Variants in CFAP70 observed in about 807,000 individuals in gnomAD.
The protein encoded by CFAP70 is cilia and flagella associated protein 70, also known as cilia- and flagella-associated protein 70.
CFAP70 carries 81 observed loss-of-function variants against 137.6 expected under a neutral mutation model. The ratio of observed to expected loss-of-function variants is 0.59; its 90% confidence interval spans 0.49 to 0.71. CFAP70 has a LOEUF of 0.71. Among genes scored for constraint, CFAP70 ranks in the 30% least tolerant of loss-of-function variants. CFAP70 has a pLI of 0.00. For synonymous variants in CFAP70, 382 were observed against 423.6 expected (o/e 0.90, Z 1.20); for missense variants, 976 against 1,226.7 (o/e 0.80, Z 3.05).
intron 9 of CFAP70, among the ~76,000 whole-genome samples, chr10:73,319,633 C>T (rs558725099): frequency 2.0e-5 from 3 of 152,268 alleles, no homozygotes; most frequent in Non-Finnish European, 2.9e-5. Context: ...GATAATTTAG[C>T]GCCTGGTCTT....
chr10:73,265,410 C>T (rs1042659480), intron 25 of CFAP70, among the ~76,000 whole-genome samples: 5 of 151,706 alleles, frequency 3.3e-5, no homozygotes, highest in African/African-American at 1.2e-4. Flanking sequence ...TATAATCTTG[C>T]ACTTCACTTT....
At chr10:73,361,280 C>T (rs1304225107), upstream of CFAP70, among the ~76,000 whole-genome samples, 1 of 151,148 alleles carries the variant, frequency 6.6e-6, no homozygotes, top group Admixed American at 6.6e-5. Flanking sequence ...AGGCATGAAC[C>T]ACCATGCCCG....
At chr10:73,316,472 A>C (rs1018782123) in intron 9 of CFAP70, among the ~76,000 whole-genome samples, 10 of 114,696 alleles carry the variant, frequency 8.7e-5, no homozygotes, top group African/African-American at 3.5e-4. Context: ...AGATATATAT[A>C]TATATATAGA....
rs1455113041 is a variant in CFAP70, at chr10:73,284,750, A to C, written c.2240-6413T>G. 5.9e-3 allele frequency among the ~76,000 whole-genome samples: 50 copies of C among 8,472 alleles called. 2 individuals are homozygous for C. Among genetic ancestry groups the C allele is most frequent in the African/African-American group, 0.033 (46 of 1,388 alleles). 5.6% of individuals were successfully genotyped at this position (8,472 alleles called of 152,430 possible). A position where few individuals can be genotyped will look rare whatever the true frequency, so the allele number is the denominator to read the frequency against. On this transcript the variant is annotated intron_variant, in intron 19 of 26. Transcript: ENST00000310715. ...TATATGACCTGCCACATATATATAT[A>C]TATATATATATATATATATATATAT... is the stretch of plus-strand genomic sequence containing the variant.
Position 73,345,864 on chromosome 10 carries a change from T to C in CFAP70, c.350-750A>G, listed in dbSNP as rs1005982493. Among the ~76,000 whole-genome samples, 3 of 152,094 alleles carry C rather than the reference T, an allele frequency of 2.0e-5. No homozygotes were observed. In the South Asian group the frequency reaches 6.2e-4, roughly 32 times the overall value. On this transcript the variant is annotated intron_variant, in intron 4 of 26. Coordinates refer to ENST00000310715, the Ensembl canonical transcript of CFAP70. ...AAGTGAGATTGGGTGCTTTTTTTGC[T>C]AGTCTATATTTTATGATTATTTTTG...
chr10:73,358,908 C>T (rs1048000612), upstream of CFAP70: 1 of 152,252 alleles, frequency 6.6e-6, no homozygotes, highest in African/African-American at 2.4e-5. Context: ...CTTCGAGAGC[C>T]TGCTGTTTCC....
At chr10:73,358,756 A>G (rs1056994876) in exon 1 of CFAP70, 1 of 152,400 alleles carries the variant, frequency 6.6e-6, no homozygotes, top group Non-Finnish European at 1.5e-5. Context: ...ATAGCAACCA[A>G]CTACCTCTCG....
At chr10:73,335,344 A>G in intron 7 of CFAP70, 86 bp downstream of exon 8, 3 of 815,274 alleles carry the variant, frequency 3.7e-6, no homozygotes, top group Non-Finnish European at 5.9e-6. Context: ...CCTTAACTCA[A>G]ATATAAATAA....
intron 9 of CFAP70, among the ~76,000 whole-genome samples, chr10:73,313,542 CAA>C (rs35177327): frequency 0.15 from 13,387 of 90,002 alleles, 890 homozygotes; most frequent in East Asian, 0.38. Flanking sequence ...GACTCTGTCT[CAA>C]AAAAAAAAAA....
intron 12 of CFAP70, among the ~76,000 whole-genome samples, chr10:73,309,042 G>A (rs2049670789): frequency 6.6e-6 from 1 of 151,964 alleles, no homozygotes; most frequent in African/African-American, 2.4e-5. Flanking sequence ...GAAGATTAGA[G>A]TAAAAACAAA....
intron 9 of CFAP70, among the ~76,000 whole-genome samples, chr10:73,315,348 T>C (rs2050255852): frequency 6.6e-6 from 1 of 152,218 alleles, no homozygotes; most frequent in African/African-American, 2.4e-5. Context: ...TGCAAAATAG[T>C]ATTCCCTTGT....
At chr10:73,345,181 C>T (rs1476787249) in intron 4 of CFAP70, 1 of 1,614,166 alleles carries the variant, frequency 6.2e-7, no homozygotes, top group African/African-American at 1.3e-5. Flanking sequence ...AGATTGCCCC[C>T]TGAGATCTGG....
chr10:73,260,990 T>C (rs2045111724), intron 25 of CFAP70, among the ~76,000 whole-genome samples: 1 of 152,230 alleles, frequency 6.6e-6, no homozygotes, highest in African/African-American at 2.4e-5. Context: ...TGCTGGCACA[T>C]ATGGTAAATA....
intron 9 of CFAP70, among the ~76,000 whole-genome samples, chr10:73,319,933 T>C (rs1401826571): frequency 6.6e-6 from 1 of 152,242 alleles, no homozygotes; most frequent in Admixed American, 6.5e-5. Context: ...CTATTTCACA[T>C]ACCTTGCCCA....
At chr10:73,283,490 CTTCA>C (rs1436706531) in intron 19 of CFAP70, among the ~76,000 whole-genome samples, 1 of 150,592 alleles carries the variant, frequency 6.6e-6, no homozygotes, top group Non-Finnish European at 1.5e-5. Flanking sequence ...TTAGTTTTTG[CTTCA>C]TTATCTTAAA....
exon 2 of CFAP70, chr10:73,354,757 T>C: frequency 6.2e-7 from 1 of 1,614,112 alleles, no homozygotes; most frequent in Non-Finnish European, 8.5e-7. Context: ...TCTGTCACGG[T>C]GATCTGCACG....
chr10:73,320,199 C>A (rs1285937308), intron 9 of CFAP70, among the ~76,000 whole-genome samples: 1 of 152,100 alleles, frequency 6.6e-6, no homozygotes, highest in Non-Finnish European at 1.5e-5. Flanking sequence ...AGGAAGTTTT[C>A]TCTTAATTCA....
At chr10:73,264,409 C>T (rs565087451) in intron 25 of CFAP70, among the ~76,000 whole-genome samples, 135 of 152,252 alleles carry the variant, frequency 8.9e-4, no homozygotes, top group Non-Finnish European at 1.6e-3. Context: ...TTTCTATATA[C>T]CTATTTATAC....
chr10:73,301,289 G>A (rs772443934), intron 12 of CFAP70, among the ~76,000 whole-genome samples: 17 of 152,144 alleles, frequency 1.1e-4, no homozygotes, highest in Non-Finnish European at 2.5e-4. Flanking sequence ...TCATGGAGGT[G>A]GATGCCTCAT....
Sources: gnomAD v4.1 joint callset for allele counts (sites outside exome capture counted in the v4.1 genomes callset) on GRCh38, gnomAD v4.1.1 for gene constraint, MANE v1.5 for transcripts, NCBI Gene and HGNC (gene_info 2026-07-23, HGNC 2026-07-21) for gene names.